The following TULP2 variants were observed in gnomAD, a reference collection of about 807,000 sequenced individuals.
TULP2 encodes the protein tubby-related protein 2.
A neutral mutation model predicts 60.3 loss-of-function variants in TULP2; 64 were observed. That is an observed-to-expected ratio of 1.06 (90% CI 0.87 to 1.31). The LOEUF (loss-of-function observed/expected upper bound fraction) is 1.31, where lower values mean the gene tolerates loss of function less well. TULP2 is among the 50% of genes most tolerant of loss of function. TULP2 has a pLI of 0.00. For missense variants in TULP2, 652 were observed against 667.0 expected (o/e 0.98, Z 0.25); for synonymous variants, 267 against 265.4 (o/e 1.01, Z -0.06).
rs533742847 is a variant in TULP2, at chr19:48,881,872, G to T, written c.1447+160C>A. The T allele has an allele frequency of 1.7e-4, 157 of 936,980 alleles. No individual in the cohort carries two copies. The African/African-American group carries it at 1.8e-3, about 10-fold the overall frequency. The allele number at this position is 936,980 out of a possible 1,614,324, so 58.0% of individuals were successfully genotyped here. ...GTGCCCTTACTAAGCCAGAAACCCT[G>T]AGGGTGTGTAAACTACAATTCCCAA... On this transcript the variant is annotated intron_variant, in intron 12 of 12. Coordinates refer to ENST00000221399, the MANE Select transcript of TULP2 (RefSeq NM_003323.3).
chr19:48,889,983 C>G (rs184387144), intron 6 of TULP2, among the ~76,000 whole-genome samples: 1 of 152,204 alleles, frequency 6.6e-6, no homozygotes, highest in African/African-American at 2.4e-5. Flanking sequence ...CAAGATTTCT[C>G]CCCATGTGAT....
intron 9 of TULP2, 74 bp downstream of exon 9, chr19:48,885,374 G>T: frequency 1.6e-6 from 2 of 1,241,720 alleles, no homozygotes; most frequent in Non-Finnish European, 2.3e-6. Flanking sequence ...TCTGTGGCCT[G>T]CTGGGAAATG....
rs545485670 is a variant in TULP2, at chr19:48,885,143, C to T, written c.1061+305G>A. 4.6e-5 allele frequency among the ~76,000 whole-genome samples: 7 copies of T among 152,094 alleles called. No homozygotes were observed. The East Asian group carries it at 9.7e-4, about 21-fold the overall frequency. ...CTCAAGCTCCTGACCTCAAGTGATC[C>T]TCCCGCCTCTGCCTCCCAAAGTGCT... On this transcript the variant is annotated intron_variant, in intron 9 of 12. Transcript: ENST00000221399.
In TULP2 at chr19:48,895,377, C is replaced by G. The variant is rs375068013; in HGVS notation, c.338G>C (p.Arg113Pro). 6 of 1,613,676 alleles carry G rather than the reference C, an allele frequency of 3.7e-6. No individual in the cohort carries two copies. The highest frequency in any genetic ancestry group is 5.1e-6 in the Non-Finnish European group (6 of 1,179,796). Residue 113 changes from arginine to proline, a missense_variant, in exon 5 of 13, where the codon CGG becomes CCG. By Grantham distance (103) the Arg-to-Pro change is moderately radical. Coordinates refer to ENST00000221399, the MANE Select transcript of TULP2 (RefSeq NM_003323.3). ...GRGERGLPTP[R>P]TEAVFRNLGL... Reference sequence around the variant, plus strand: ...GGACTCGCAAATACCTGCTTCTGTCCGCGGTGTCGGGAGGCCGCGCTCGCC... The same window carrying G: ...GGACTCGCAAATACCTGCTTCTGTCGGCGGTGTCGGGAGGCCGCGCTCGCC...
intron 11 of TULP2, 43 bp from the exon 12 acceptor site, chr19:48,882,246 G>T: frequency 1.2e-6 from 2 of 1,610,334 alleles, no homozygotes; most frequent in South Asian, 2.2e-5. Context: ...AGAGGCTTTC[G>T]AAACTCCATC....
intron 12 of TULP2, among the ~76,000 whole-genome samples, chr19:48,881,781 G>A (rs910766676): frequency 3.3e-5 from 5 of 152,246 alleles, no homozygotes; most frequent in African/African-American, 1.2e-4. Context: ...GTCTCCCAAA[G>A]TGCTAGGATT....
intron 9 of TULP2, 69 bp from the exon 10 acceptor site, chr19:48,884,115 G>C (rs2037159267): frequency 8.0e-7 from 1 of 1,250,804 alleles, no homozygotes; most frequent in Non-Finnish European, 1.2e-6. Context: ...GTCACTCATC[G>C]CATCGACTCT....
In TULP2 at chr19:48,897,035, G is replaced by A. The variant is rs1168644340; in HGVS notation, c.84+310C>T. Among the ~76,000 whole-genome samples the A allele has an allele frequency of 2.0e-5, 3 of 151,910 alleles. No homozygotes were observed. The highest frequency in any genetic ancestry group is 4.8e-5 in the African/African-American group (2 of 41,360). ...CTCCCGAGTAGCTGGGATTACAGGC[G>A]CCTGCCACCACACCTGGCTAATTTT... On this transcript the variant is annotated intron_variant, in intron 3 of 12. Coordinates refer to ENST00000221399, the MANE Select transcript of TULP2 (RefSeq NM_003323.3). This position sits in a 1 kb window ranked among gnomAD's most constrained non-coding sequence, Gnocchi z 4.0.
At chr19:48,893,372 G>GAA (rs377709619) in intron 6 of TULP2, among the ~76,000 whole-genome samples, 4 of 91,924 alleles carry the variant, frequency 4.4e-5, no homozygotes, top group Non-Finnish European at 4.8e-5. Flanking sequence ...TCTGCCTCAA[G>GAA]AAAAAAAAAA....
rs372254563 is a variant in TULP2 at position 48,882,157 on chromosome 19, C to A, written c.1322G>T (p.Gly441Val). 2.5e-6 allele frequency: 4 copies of A among 1,614,138 alleles called. No homozygotes were observed. The highest frequency in any genetic ancestry group is 1.6e-4 in the Middle Eastern group (1 of 6,062). ...GGTTTTGTTGTGCAACAAAAGCAAC[C>A]CTTGTTTGTCCCCACGTTGGTAACG... ...LSRYQRGDKQGLLLLHNKTPS... is the reference protein window; with the variant it reads ...LSRYQRGDKQVLLLLHNKTPS... Residue 441 changes from glycine to valine, a missense_variant, in exon 12 of 13, where the codon GGG becomes GTG. By Grantham distance (109) the Gly-to-Val change is moderately radical. Transcript: ENST00000221399.
chr19:48,885,569 G>A lies in TULP2; in HGVS notation c.949-9C>T, dbSNP rs779225172. The stretch of plus-strand genomic sequence containing the variant: ...CCAGCCAGGAGGAAGCGCTATGGAT[G>A]AGAGGAACAGTCCATTAGAATGGAC... On this transcript the variant is annotated splice_polypyrimidine_tract_variant and intron_variant, in intron 8 of 12. Coordinates refer to ENST00000221399, the MANE Select transcript of TULP2 (RefSeq NM_003323.3). 6.2e-7 allele frequency: 1 copy of A among 1,611,578 alleles called. No individual in the cohort carries two copies. The highest frequency in any genetic ancestry group is 1.3e-5 in the African/African-American group (1 of 74,978).
chr19:48,882,194 A>T lies in TULP2; in HGVS notation c.1285T>A (p.Ser429Thr). 3.1e-6 allele frequency: 5 copies of T among 1,613,638 alleles called. No individual in the cohort carries two copies. Among genetic ancestry groups the T allele is most frequent in the Non-Finnish European group, 3.4e-6 (4 of 1,179,906 alleles). ...CCACGTTGGTAACGACTCAGTAGCG[A>T]CTCCTGTTCCTAGAAGGTAAAGAAG... is the stretch of plus-strand genomic sequence containing the variant. ...INVQPLNEQESLLSRYQRGDK... is the reference protein window; with the variant it reads ...INVQPLNEQETLLSRYQRGDK... Residue 429 changes from serine to threonine, a missense_variant, in exon 12 of 13, where the codon TCG becomes ACG. Physicochemically the swap from Ser to Thr is moderately conservative, Grantham distance 58. Coordinates refer to ENST00000221399, the MANE Select transcript of TULP2 (RefSeq NM_003323.3).
intron 6 of TULP2, among the ~76,000 whole-genome samples, chr19:48,891,421 A>T (rs2037232243): frequency 6.6e-6 from 1 of 152,114 alleles, no homozygotes; most frequent in South Asian, 2.1e-4. Flanking sequence ...TCACGAGGTC[A>T]GTAGTTCAAA....
chr19:48,886,567 G>A (rs577013143), intron 8 of TULP2, among the ~76,000 whole-genome samples: 1 of 151,992 alleles, frequency 6.6e-6, no homozygotes, highest in Admixed American at 6.6e-5. Flanking sequence ...CTCTTTCTAG[G>A]GGGAGAGAGG....
intron 11 of TULP2, 61 bp downstream of exon 11, chr19:48,883,693 A>G: frequency 6.3e-7 from 1 of 1,577,260 alleles, no homozygotes; most frequent in Admixed American, 1.7e-5. Flanking sequence ...TCTGGGATCT[A>G]GGAGGACCGG....
intron 4 of TULP2, 64 bp from the exon 5 acceptor site, chr19:48,895,567 A>C (rs1600027623): frequency 2.6e-6 from 4 of 1,543,322 alleles, no homozygotes; most frequent in East Asian, 2.3e-5. Context: ...ACCAAAATCC[A>C]CCCCGTCACT....
At chr19:48,894,502 G>A (rs1481948410) in intron 6 of TULP2, among the ~76,000 whole-genome samples, 2 of 151,840 alleles carry the variant, frequency 1.3e-5, no homozygotes, top group Non-Finnish European at 2.9e-5. Context: ...TTAGCTGGGC[G>A]TGGTGATGCG....
In TULP2 at chr19:48,881,093, C is replaced by A. The variant is rs546297120; in HGVS notation, c.1481G>T (p.Gly494Val). The A allele has an allele frequency of 6.2e-7, 1 of 1,613,466 alleles. No homozygotes were observed. Among genetic ancestry groups the A allele is most frequent in the African/African-American group, 1.3e-5 (1 of 74,928 alleles). Residue 494 changes from glycine (G) to valine (V), a missense_variant, in exon 13 of 13, where the codon GGC becomes GTC. Gly to Val is a moderately radical substitution (Grantham distance 109). Transcript: ENST00000221399. The stretch of plus-strand genomic sequence containing the variant: ...GAAGTCCATGGTGAATGTGTCTGGG[C>A]CCACTCGGCCGAACTGGAGCACCAG... ...EHLVLQFGRVGPDTFTMDFCF... is the reference protein window; with the variant it reads ...EHLVLQFGRVVPDTFTMDFCF...
chr19:48,884,542 G>A (rs1339778343), intron 9 of TULP2, among the ~76,000 whole-genome samples: 1 of 152,068 alleles, frequency 6.6e-6, no homozygotes, highest in Non-Finnish European at 1.5e-5. Flanking sequence ...AGGCCAAGGC[G>A]GGTGGATCAT....
Sources: allele counts gnomAD v4.1 joint callset (sites outside exome capture counted in the v4.1 genomes callset), GRCh38; gene constraint gnomAD v4.1.1; non-coding constraint Gnocchi (gnomAD v3.1); transcripts MANE v1.5; gene names NCBI Gene and HGNC (gene_info 2026-07-23, HGNC 2026-07-21).